TBXAS1: variants seen among roughly 807,000 people sequenced by gnomAD.
The protein encoded by TBXAS1 is thromboxane A synthase 1.
In TBXAS1, 48 loss-of-function variants were observed where a neutral mutation model predicts 60.7. The observed-to-expected ratio is 0.79, with a 90% CI of 0.63 to 1.01. The LOEUF is 1.01. Ranked by LOEUF, TBXAS1 falls within the 50% of genes least tolerant of loss-of-function variation. TBXAS1 has a pLI of 0.00. For synonymous variants in TBXAS1, 287 were observed against 269.7 expected (o/e 1.06, Z -0.63); for missense variants, 685 against 686.3 (o/e 1.00, Z 0.02).
At chr7:139,807,643 A>G (rs1397691008) in intron 4 of TBXAS1, among the ~76,000 whole-genome samples, 1 of 152,100 alleles carries the variant, frequency 6.6e-6, no homozygotes, top group Non-Finnish European at 1.5e-5. Context: ...TCAGCCTCCC[A>G]AAGTGCTGGG....
At chr7:139,798,563 CCTT>C (rs1400465537) in intron 4 of TBXAS1, among the ~76,000 whole-genome samples, 2 of 152,134 alleles carry the variant, frequency 1.3e-5, no homozygotes, top group African/African-American at 4.8e-5. Context: ...AGAATAGAAA[CCTT>C]CTATGCAGGA....
Position 139,896,037 on chromosome 7 carries a change from G to A in TBXAS1, c.237-15188G>A, listed in dbSNP as rs1367752299. 2.0e-5 allele frequency among the ~76,000 whole-genome samples: 3 copies of A among 152,196 alleles called. No individual in the cohort carries two copies. Among genetic ancestry groups the A allele is most frequent in the East Asian group, 3.8e-4 (2 of 5,198 alleles). On this transcript the variant is annotated intron_variant, in intron 3 of 12. Coordinates refer to ENST00000448866, the MANE Select transcript of TBXAS1 (RefSeq NM_001061.7). This position sits in a 1 kb window ranked among gnomAD's most constrained non-coding sequence, Gnocchi z 4.0. ...TCAGAGTTGAAAGCTCCTTCTGCCA[G>A]GAGGAGTAATAGGGAAGCCAAGAGG...
intron 1 of TBXAS1, among the ~76,000 whole-genome samples, chr7:139,853,016 C>T (rs1800333306): frequency 6.6e-6 from 1 of 151,630 alleles, no homozygotes; most frequent in Admixed American, 6.6e-5. Flanking sequence ...AACCTGTCTG[C>T]TCTGCACAAG....
chr7:139,851,442 A>C (rs1800205455), intron 1 of TBXAS1, among the ~76,000 whole-genome samples: 1 of 152,248 alleles, frequency 6.6e-6, no homozygotes, highest in Non-Finnish European at 1.5e-5. Context: ...AGTGCTTAAT[A>C]ATAAATGTTA....
At chr7:139,986,799 G>GTATA (rs58751653) in intron 9 of TBXAS1, among the ~76,000 whole-genome samples, 13 of 82,648 alleles carry the variant, frequency 1.6e-4, no homozygotes, top group Non-Finnish European at 2.1e-4. Flanking sequence ...GTGTGTGTGT[G>GTATA]TATATATATA....
chr7:139,840,564 C>A (rs565709883), intron 1 of TBXAS1, among the ~76,000 whole-genome samples: 1 of 152,152 alleles, frequency 6.6e-6, no homozygotes, highest in Non-Finnish European at 1.5e-5. Flanking sequence ...GGTTGGGCAA[C>A]TAGACCCGCT....
At chr7:139,950,669 C>T (rs1263583226) in intron 5 of TBXAS1, among the ~76,000 whole-genome samples, 2 of 126,978 alleles carry the variant, frequency 1.6e-5, no homozygotes, top group Admixed American at 7.7e-5. Context: ...CCCTCACCCT[C>T]CATCTACGGG....
rs1253118527 is a variant in TBXAS1, at chr7:139,975,858, T to C, written c.1134+13625T>C. ...TGCATGGGCAGCTTCTCCCCTGACA[T>C]CCCTACCTCCCTGACGCTTAACCCA... is the stretch of plus-strand genomic sequence containing the variant. On this transcript the variant is annotated intron_variant, in intron 9 of 12. Transcript: ENST00000448866. The surrounding 1 kb of genome is among the most constrained non-coding windows in gnomAD (Gnocchi z 4.4). 1.3e-5 allele frequency among the ~76,000 whole-genome samples: 2 copies of C among 152,280 alleles called. No homozygotes were observed. The highest frequency in any genetic ancestry group is 3.9e-4 in the East Asian group (2 of 5,180).
chr7:139,990,172 A>C (rs1157110030), intron 9 of TBXAS1, among the ~76,000 whole-genome samples: 1 of 152,030 alleles, frequency 6.6e-6, no homozygotes, highest in Admixed American at 6.6e-5. Flanking sequence ...TCCCCTCCCT[A>C]GTCCTCATCT....
chr7:139,890,440 C>T (rs1324191481), intron 3 of TBXAS1, among the ~76,000 whole-genome samples: 6 of 151,998 alleles, frequency 3.9e-5, no homozygotes, highest in Non-Finnish European at 8.8e-5. Flanking sequence ...TGGTCTCGAT[C>T]TCCTGACCTC....
At chr7:139,859,739 T>C (rs182200799) in intron 1 of TBXAS1, among the ~76,000 whole-genome samples, 41 of 152,326 alleles carry the variant, frequency 2.7e-4, no homozygotes, top group Admixed American at 2.1e-3. Flanking sequence ...CTGGCTTTCT[T>C]GCCCTGAAAA....
At chr7:139,804,227 C>A (rs570751625) in intron 4 of TBXAS1, among the ~76,000 whole-genome samples, 3 of 152,326 alleles carry the variant, frequency 2.0e-5, no homozygotes, top group Non-Finnish European at 4.4e-5. Flanking sequence ...AAAAGGAGAT[C>A]ATTTTGTAAC....
intron 1 of TBXAS1, among the ~76,000 whole-genome samples, chr7:139,849,702 G>C (rs1800078856): frequency 6.6e-6 from 1 of 152,196 alleles, no homozygotes; most frequent in Non-Finnish European, 1.5e-5. Context: ...ATGGGGCGGG[G>C]CCCTAAGATT....
intron 3 of TBXAS1, among the ~76,000 whole-genome samples, chr7:139,785,297 T>C (rs1404665260): frequency 1.3e-5 from 2 of 152,200 alleles, no homozygotes; most frequent in South Asian, 2.1e-4. Context: ...CTGAGGCTGG[T>C]ATTTGAATTG....
In TBXAS1 at chr7:139,829,469, C is replaced by A; in HGVS notation, c.79C>A (p.Leu27Ile). 6.2e-7 allele frequency: 1 copy of A among 1,613,728 alleles called. No individual in the cohort carries two copies. Among genetic ancestry groups the A allele is most frequent in the Non-Finnish European group, 8.5e-7 (1 of 1,179,912 alleles). ...GGCCCTGTCAGTGGCTCTCTTGGCC[C>A]TCCTGAAATGGTAAGTGCAGCCAGC... ...TVALSVALLA[L>I]LKWYSTSAFS... The change falls in exon 1 of 13, where the codon CTC (leucine) becomes ATC (isoleucine). Residue 27 changes from leucine to isoleucine, a missense_variant. Coordinates refer to ENST00000448866, the MANE Select transcript of TBXAS1 (RefSeq NM_001061.7).
chr7:139,846,662 AC>A (rs1378729011), intron 1 of TBXAS1, among the ~76,000 whole-genome samples: 2 of 152,218 alleles, frequency 1.3e-5, no homozygotes, highest in African/African-American at 4.8e-5. Flanking sequence ...CCAGGAATGC[AC>A]TGCAGTGAAA....
chr7:139,943,995 G>A (rs368256577), intron 5 of TBXAS1, among the ~76,000 whole-genome samples: 1 of 151,890 alleles, frequency 6.6e-6, no homozygotes, highest in Non-Finnish European at 1.5e-5. Context: ...GGTCCACCAA[G>A]GGCCAAATCA....
intron 1 of TBXAS1, among the ~76,000 whole-genome samples, chr7:139,866,588 TAAAA>T (rs574216852): frequency 4.1e-5 from 5 of 121,286 alleles, no homozygotes; most frequent in African/African-American, 1.5e-4. Context: ...ACCCTGTTTC[TAAAA>T]AAAAAAAAAA....
chr7:139,861,589 T>G (rs1307973065), intron 1 of TBXAS1, among the ~76,000 whole-genome samples: 1 of 152,130 alleles, frequency 6.6e-6, no homozygotes, highest in Non-Finnish European at 1.5e-5. Context: ...AGGATTCAAT[T>G]AACAAGTCTC....
Sources: allele counts gnomAD v4.1 joint callset (sites outside exome capture counted in the v4.1 genomes callset), GRCh38; gene constraint gnomAD v4.1.1; non-coding constraint Gnocchi (gnomAD v3.1); transcripts MANE v1.5; gene names NCBI Gene and HGNC (gene_info 2026-07-23, HGNC 2026-07-21).